PKP4: variants seen among roughly 807,000 people sequenced by gnomAD.
PKP4 encodes plakophilin 4.
PKP4 carries 90 observed loss-of-function variants against 145.1 expected under a neutral mutation model. That is an observed-to-expected ratio of 0.62 (90% CI 0.52 to 0.74). PKP4 has a LOEUF of 0.74. Among genes scored for constraint, PKP4 ranks in the 30% least tolerant of loss-of-function variants. The pLI is 0.00. For missense variants in PKP4, 1,340 were observed against 1,482.7 expected (o/e 0.90, Z 1.58); for synonymous variants, 563 against 577.2 (o/e 0.98, Z 0.35).
Position 158,469,335 on chromosome 2 carries a change from C to G in PKP4, c.-6+12117C>G, listed in dbSNP as rs939486166. ...GAACTCCTGACCTCAGGTGATCTGC[C>G]TGCTTTGGCCTCCCAAAGTGCTGAG... On this transcript the variant is annotated intron_variant, in intron 1 of 21. Coordinates refer to ENST00000389759, the MANE Select transcript of PKP4 (RefSeq NM_003628.6). Among the ~76,000 whole-genome samples the G allele has an allele frequency of 2.6e-5, 4 of 152,120 alleles. No homozygotes were observed. The East Asian group carries it at 5.8e-4, about 22-fold the overall frequency.
At chr2:158,642,770 G>A in intron 11 of PKP4, 71 bp downstream of exon 11, 1 of 1,144,364 alleles carries the variant, frequency 8.7e-7, no homozygotes, top group South Asian at 1.6e-5. Context: ...TTGTATAGTG[G>A]CACTATGGAA....
intron 11 of PKP4, among the ~76,000 whole-genome samples, chr2:158,648,478 G>A (rs936317665): frequency 3.9e-5 from 6 of 152,182 alleles, no homozygotes; most frequent in African/African-American, 1.2e-4. Context: ...CCTTTTGGAC[G>A]ATTACTTGCC....
chr2:158,616,996 A>G (rs1362429983), intron 4 of PKP4, among the ~76,000 whole-genome samples: 1 of 152,224 alleles, frequency 6.6e-6, no homozygotes, highest in Non-Finnish European at 1.5e-5. Flanking sequence ...ATCTTTTACC[A>G]TGAGCTTAAT....
At chr2:158,630,926 T>TTTGTTTGTTTG (rs1574868630) in intron 7 of PKP4, among the ~76,000 whole-genome samples, 1 of 151,112 alleles carries the variant, frequency 6.6e-6, no homozygotes, top group Non-Finnish European at 1.5e-5. Flanking sequence ...GAGAAAGTGT[T>TTTGTTTGTTTG]TTTGTTTGTT....
At chr2:158,679,457 A>AAAT (rs2058285637) in intron 21 of PKP4, 2 of 152,214 alleles carry the variant, frequency 1.3e-5, no homozygotes, top group Admixed American at 6.5e-5. Flanking sequence ...TAGTCAGGAA[A>AAAT]AATAGACCAG....
At chr2:158,672,318 CTT>C (rs768953107) in intron 17 of PKP4, among the ~76,000 whole-genome samples, 3 of 152,216 alleles carry the variant, frequency 2.0e-5, no homozygotes, top group Non-Finnish European at 4.4e-5. Context: ...AGCAAAGAAT[CTT>C]CCTTGCTTTT....
chr2:158,607,887 C>G (rs1016817580), intron 4 of PKP4, among the ~76,000 whole-genome samples: 3 of 152,124 alleles, frequency 2.0e-5, no homozygotes, highest in African/African-American at 7.2e-5. Context: ...TACCCCTTCC[C>G]CGTTGCTTAA....
At chr2:158,545,862 C>T (rs939792360) in intron 2 of PKP4, among the ~76,000 whole-genome samples, 1 of 152,146 alleles carries the variant, frequency 6.6e-6, no homozygotes, top group African/African-American at 2.4e-5. Flanking sequence ...ATTTCTCTTG[C>T]ATATAGTTCC....
In PKP4 at chr2:158,533,299, G is replaced by A. The variant is rs2043739143; in HGVS notation, c.115G>A (p.Ala39Thr). ...CGAGACCACAGCCACCACTATTCTA[G>A]CATCCGTGAAGGAGCAGGTACATCC... ...EPETTATTIL[A>T]SVKEQELQFQ... Residue 39 changes from alanine to threonine, a missense_variant, in exon 2 of 22, where the codon GCA (alanine) becomes ACA (threonine). Ala to Thr is a moderately conservative substitution (Grantham distance 58). Transcript: ENST00000389759. 1 of 1,614,058 alleles carries A rather than the reference G, an allele frequency of 6.2e-7. No individual in the cohort carries two copies. Among genetic ancestry groups the A allele is most frequent in the Admixed American group, 1.7e-5 (1 of 59,998 alleles).
chr2:158,461,948 A>T (rs1689838174), intron 1 of PKP4, among the ~76,000 whole-genome samples: 1 of 152,188 alleles, frequency 6.6e-6, no homozygotes, highest in East Asian at 1.9e-4. Context: ...TTCCAGGTTG[A>T]ATTTAAAACA....
chr2:158,632,773 A>C (rs1371937847), intron 8 of PKP4: 1 of 152,158 alleles, frequency 6.6e-6, no homozygotes, highest in Non-Finnish European at 1.5e-5. Context: ...CAGGAAACTG[A>C]CAGTTTGATC....
intron 1 of PKP4, among the ~76,000 whole-genome samples, chr2:158,520,413 C>T (rs563290495): frequency 6.6e-6 from 1 of 152,202 alleles, no homozygotes; most frequent in Non-Finnish European, 1.5e-5. Context: ...AGTTTTAAAA[C>T]CAGAAGTAGT....
intron 11 of PKP4, among the ~76,000 whole-genome samples, chr2:158,648,227 C>CTGTT (rs1162093004): frequency 6.6e-6 from 1 of 152,142 alleles, no homozygotes; most frequent in African/African-American, 2.4e-5. Context: ...AATATTTCCA[C>CTGTT]TGTTTATTGT....
intron 1 of PKP4, among the ~76,000 whole-genome samples, chr2:158,507,454 G>A (rs1340042825): frequency 6.6e-6 from 1 of 152,178 alleles, no homozygotes; most frequent in East Asian, 1.9e-4. Context: ...CCAGGACTCG[G>A]TCATGGCAAC....
At chr2:158,649,671 GAGGCAGTC>G (rs2055167199) in intron 11 of PKP4, among the ~76,000 whole-genome samples, 1 of 152,156 alleles carries the variant, frequency 6.6e-6, no homozygotes, top group Non-Finnish European at 1.5e-5. Flanking sequence ...CAAGCACAAG[GAGGCAGTC>G]AAGTAGGGAG....
chr2:158,486,093 T>A (rs907474000), intron 1 of PKP4, among the ~76,000 whole-genome samples: 3 of 152,200 alleles, frequency 2.0e-5, no homozygotes, highest in African/African-American at 7.2e-5. Flanking sequence ...AATTGGAATT[T>A]ATAACATTAA....
intron 1 of PKP4, among the ~76,000 whole-genome samples, chr2:158,458,734 C>A (rs2105366621): frequency 6.6e-6 from 1 of 152,174 alleles, no homozygotes; most frequent in East Asian, 1.9e-4. Flanking sequence ...TGTGTTTAGA[C>A]CTCGTATAAT....
chr2:158,623,275 G>T (rs949828935), intron 6 of PKP4, among the ~76,000 whole-genome samples: 15 of 152,232 alleles, frequency 9.9e-5, no homozygotes, highest in Non-Finnish European at 2.1e-4. Context: ...CTGGGCTCAA[G>T]CGATTTTCCT....
At chr2:158,522,342 T>C (rs552057134) in intron 1 of PKP4, among the ~76,000 whole-genome samples, 1 of 152,354 alleles carries the variant, frequency 6.6e-6, no homozygotes, top group South Asian at 2.1e-4. Flanking sequence ...ATCTATAATA[T>C]GCCAAGAAAA....
Sources: gnomAD v4.1 joint callset for allele counts (sites outside exome capture counted in the v4.1 genomes callset) on GRCh38, gnomAD v4.1.1 for gene constraint, MANE v1.5 for transcripts, NCBI Gene and HGNC (gene_info 2026-07-23, HGNC 2026-07-21) for gene names.